Variants in VTA1 observed in about 807,000 individuals in gnomAD.
VTA1 encodes the protein vacuolar protein sorting-associated protein VTA1 homolog.
VTA1 carries 24 observed loss-of-function variants against 36.9 expected under a neutral mutation model. That is an observed-to-expected ratio of 0.65 (90% CI 0.47 to 0.91). The LOEUF is 0.91. VTA1 is among the 40% of genes least tolerant of loss of function. VTA1 has a pLI of 0.00. For synonymous variants in VTA1, 142 were observed against 130.2 expected (o/e 1.09, Z -0.62); for missense variants, 393 against 377.2 (o/e 1.04, Z -0.35).
rs7766609 is a variant in VTA1, at chr6:142,212,517, G to A, written c.779-5981G>A. The stretch of plus-strand genomic sequence containing the variant: ...CAGTTGCCAAGAGTTAGGGGGAGAG[G>A]GAGGGATGAATGAGTGGATCACAGA... On this transcript the variant is annotated intron_variant, in intron 7 of 7. Transcript: ENST00000367630. Among the ~76,000 whole-genome samples the A allele has an allele frequency of 9.7e-3, 1,471 of 152,222 alleles. 30 individuals are homozygous for A. Among genetic ancestry groups the A allele is most frequent in the African/African-American group, 0.034 (1,395 of 41,522 alleles).
At chr6:142,150,409 AG>A (rs1164926577) in intron 1 of VTA1, among the ~76,000 whole-genome samples, 1 of 152,204 alleles carries the variant, frequency 6.6e-6, no homozygotes, top group Non-Finnish European at 1.5e-5. Context: ...TCCTGTGGTC[AG>A]GGTAGCAAAG....
chr6:142,158,332 C>T (rs977269165), intron 1 of VTA1, among the ~76,000 whole-genome samples: 2 of 152,152 alleles, frequency 1.3e-5, no homozygotes, highest in African/African-American at 4.8e-5. Context: ...GAGTCAAATC[C>T]TAACCTATCG....
At chr6:142,193,755 T>C (rs1775495733) in intron 5 of VTA1, among the ~76,000 whole-genome samples, 1 of 151,842 alleles carries the variant, frequency 6.6e-6, no homozygotes, top group African/African-American at 2.4e-5. Context: ...TGCCTTTTTC[T>C]TCATACCTGT....
chr6:142,198,839 T>C, intron 6 of VTA1: 1 of 339,274 alleles, frequency 2.9e-6, no homozygotes, highest in South Asian at 7.9e-5. Flanking sequence ...TTGATTACTC[T>C]TAACCTTATA....
intron 1 of VTA1, among the ~76,000 whole-genome samples, chr6:142,164,647 T>TA: frequency 1.3e-5 from 2 of 152,288 alleles, no homozygotes; most frequent in South Asian, 4.1e-4. Flanking sequence ...GAGTAACAGA[T>TA]ATTCAACTTT....
chr6:142,159,286 C>G (rs890808534), intron 1 of VTA1, among the ~76,000 whole-genome samples: 4 of 151,974 alleles, frequency 2.6e-5, no homozygotes, highest in Non-Finnish European at 5.9e-5. Flanking sequence ...ACCATCTGCG[C>G]CCAGGAAGTG....
At chr6:142,186,477 C>A (rs1169893274) in intron 4 of VTA1, among the ~76,000 whole-genome samples, 3 of 151,974 alleles carry the variant, frequency 2.0e-5, no homozygotes, top group Non-Finnish European at 4.4e-5. Flanking sequence ...AATTAGGGGG[C>A]TATTTCAGTG....
intron 1 of VTA1, among the ~76,000 whole-genome samples, chr6:142,148,907 TGGAGTGGATGGGGCTTG>T (rs1484024216): frequency 1.3e-5 from 2 of 152,150 alleles, no homozygotes; most frequent in Non-Finnish European, 2.9e-5. Context: ...CTATTGTGAC[TGGAGTGGATGGGGCTTG>T]GGAGTGATGG....
At chr6:142,181,395 A>G (rs1775235919) in intron 4 of VTA1, among the ~76,000 whole-genome samples, 1 of 148,146 alleles carries the variant, frequency 6.8e-6, no homozygotes. Context: ...GGCCTCCTGA[A>G]GTGCTGGGAT....
At chr6:142,189,583 ATTCAG>A in intron 5 of VTA1, 49 bp downstream of exon 5, 1 of 1,469,118 alleles carries the variant, frequency 6.8e-7, no homozygotes, top group Non-Finnish European at 9.4e-7. Flanking sequence ...AATCATAATT[ATTCAG>A]TAGATTACTC....
At chr6:142,217,687 A>G (rs1325881228) in intron 7 of VTA1, among the ~76,000 whole-genome samples, 4 of 151,912 alleles carry the variant, frequency 2.6e-5, no homozygotes, top group African/African-American at 9.7e-5. Context: ...GTTATAGTCT[A>G]TGCCTCCCAG....
chr6:142,171,417 CT>C (rs201707201), intron 4 of VTA1, among the ~76,000 whole-genome samples: 1,703 of 152,170 alleles, frequency 0.011, 36 homozygotes, highest in African/African-American at 0.039. Flanking sequence ...CTTTTTATGA[CT>C]TTTTTTCTGT....
Position 142,163,366 on chromosome 6 carries a change from T to C in VTA1, c.113-2862T>C, listed in dbSNP as rs148666360. ...TGTCATTCCCCCTTTTATGGAGACA[T>C]TGCAACAGTCTTTCCTAACTATTTC... On this transcript the variant is annotated intron_variant, in intron 1 of 7. Transcript: ENST00000367630. Among the ~76,000 whole-genome samples the C allele has an allele frequency of 6.8e-4, 104 of 152,262 alleles. 1 individual carries two copies. The highest frequency in any genetic ancestry group is 1.5e-3 in the East Asian group (8 of 5,182).
At position 142,218,861 on chromosome 6, in the gene VTA1, G is replaced by C; in HGVS notation, c.*218G>C. On this transcript the variant is annotated 3_prime_UTR_variant, in exon 8 of 8. Coordinates refer to ENST00000367630, the MANE Select transcript of VTA1 (RefSeq NM_016485.5). ...AGATTCAATCGTCTCTGAGTATATA[G>C]GGCTGATGTTAGCAAGACCCTAAAA... 4.5e-6 allele frequency: 2 copies of C among 440,760 alleles called. No homozygotes were observed. Among genetic ancestry groups the C allele is most frequent in the Non-Finnish European group, 7.7e-6 (2 of 260,562 alleles). The allele number at this position is 440,760 out of a possible 1,614,324, so 27.3% of individuals were successfully genotyped here.
chr6:142,172,990 C>A (rs922775415), intron 4 of VTA1, among the ~76,000 whole-genome samples: 25 of 149,146 alleles, frequency 1.7e-4, no homozygotes, highest in Non-Finnish European at 3.0e-4. Context: ...GAAAAAAAAA[C>A]TGGTTGATGA....
intron 2 of VTA1, among the ~76,000 whole-genome samples, chr6:142,167,668 T>G (rs1458852145): frequency 1.3e-5 from 2 of 152,198 alleles, no homozygotes; most frequent in African/African-American, 4.8e-5. Flanking sequence ...GGTGTGGCTG[T>G]CTGGCTTACT....
chr6:142,208,409 A>G (rs1345156583), intron 7 of VTA1, among the ~76,000 whole-genome samples: 2 of 152,120 alleles, frequency 1.3e-5, no homozygotes, highest in African/African-American at 4.8e-5. Context: ...AAAAAAAGAG[A>G]ATGAAAAGGA....
intron 7 of VTA1, among the ~76,000 whole-genome samples, chr6:142,216,530 T>C (rs1003082302): frequency 6.6e-6 from 1 of 152,168 alleles, no homozygotes; most frequent in African/African-American, 2.4e-5. Context: ...TTCTTGTATT[T>C]TATATATGAG....
In VTA1 at chr6:142,165,671, T is replaced by C. The variant is rs931630794; in HGVS notation, c.113-557T>C. Among the ~76,000 whole-genome samples the C allele has an allele frequency of 1.4e-4, 22 of 152,196 alleles. 1 individual carries two copies. The highest frequency in any genetic ancestry group is 4.4e-5 in the Non-Finnish European group (3 of 68,028). On this transcript the variant is annotated intron_variant, in intron 1 of 7. Coordinates refer to ENST00000367630, the MANE Select transcript of VTA1 (RefSeq NM_016485.5). ...TAGAACTGTTCACAGTTCTTATCAC[T>C]GGGAAAGCTACTGAAATTGTGGTGA...
Sources: gnomAD v4.1 joint callset for allele counts (sites outside exome capture counted in the v4.1 genomes callset) on GRCh38, gnomAD v4.1.1 for gene constraint, MANE v1.5 for transcripts, NCBI Gene and HGNC (gene_info 2026-07-23, HGNC 2026-07-21) for gene names.